The following CLMN variants were observed in gnomAD, a reference collection of about 807,000 sequenced individuals.
CLMN encodes calmin (calponin-like, transmembrane).
CLMN carries 57 observed loss-of-function variants against 92.7 expected under a neutral mutation model. That is an observed-to-expected ratio of 0.61 (90% CI 0.50 to 0.77). The LOEUF is 0.77. Among genes scored for constraint, CLMN ranks in the 30% least tolerant of loss-of-function variants. The pLI is 0.00. For synonymous variants in CLMN, 466 were observed against 470.6 expected (o/e 0.99, Z 0.13); for missense variants, 1,158 against 1,237.5 (o/e 0.94, Z 0.96).
rs1481163122 is a variant in CLMN at position 95,183,736 on chromosome 14, G to A, written c.*7828C>T. ...TTACTGCAAAAGACCCTTTCAAGGCGGCCATTTTGGTTGCAAATTTGCAAC... is the reference window on the plus strand; with the variant it reads ...TTACTGCAAAAGACCCTTTCAAGGCAGCCATTTTGGTTGCAAATTTGCAAC... On this transcript the variant is annotated 3_prime_UTR_variant, in exon 13 of 13. Transcript: ENST00000298912. 1.3e-5 allele frequency: 2 copies of A among 152,162 alleles called. No individual in the cohort carries two copies. The highest frequency in any genetic ancestry group is 2.9e-5 in the Non-Finnish European group (2 of 68,032). The allele number at this position is 152,162 out of a possible 1,614,324, so 9.4% of individuals were successfully genotyped here.
intron 1 of CLMN, among the ~76,000 whole-genome samples, chr14:95,309,821 A>G (rs1368616599): frequency 6.6e-6 from 1 of 152,242 alleles, no homozygotes; most frequent in African/African-American, 2.4e-5. Context: ...AAGGCTTGAC[A>G]GCCATTTGTT....
chr14:95,255,669 C>T (rs76231801), intron 1 of CLMN, among the ~76,000 whole-genome samples: 13,687 of 152,130 alleles, frequency 0.09, 640 homozygotes, highest in African/African-American at 0.11. Flanking sequence ...CACCTTCCTT[C>T]CACCCTTTCA....
At position 95,245,205 on chromosome 14, in the gene CLMN, ATATT is replaced by A. The variant is rs1566890874; in HGVS notation, c.83-15076_83-15073del. On this transcript the variant is annotated intron_variant, in intron 1 of 12. Transcript: ENST00000298912. The stretch of plus-strand genomic sequence containing the variant: ...ATATATATATATATAATATATATAT[ATATT>A]ATATATATATATATATTATATATAT... Among the ~76,000 whole-genome samples, 7 of 23,828 alleles carry A rather than the reference ATATT, an allele frequency of 2.9e-4. 1 individual carries two copies. The highest frequency in any genetic ancestry group is 1.5e-3 in the African/African-American group (6 of 3,992). The allele number at this position is 23,828 out of a possible 152,430, so 15.6% of individuals were successfully genotyped here. A position where few individuals can be genotyped will look rare whatever the true frequency, so the allele number is the denominator to read the frequency against.
chr14:95,247,226 T>C lies in CLMN; in HGVS notation c.83-17093A>G, dbSNP rs144556001. ...ATGAAGTCCCTACATGGTGCTTTTCTGGCACTGAGCCACTGTGAAGGGATT... is the reference window on the plus strand; with the variant it reads ...ATGAAGTCCCTACATGGTGCTTTTCCGGCACTGAGCCACTGTGAAGGGATT... On this transcript the variant is annotated intron_variant, in intron 1 of 12. Coordinates refer to ENST00000298912, the MANE Select transcript of CLMN (RefSeq NM_024734.4). 3.0e-3 allele frequency among the ~76,000 whole-genome samples: 457 copies of C among 152,366 alleles called. 3 individuals carry two copies. The highest frequency in any genetic ancestry group is 0.02 in the Middle Eastern group (6 of 294).
intron 1 of CLMN, among the ~76,000 whole-genome samples, chr14:95,258,732 G>A (rs532483105): frequency 8.8e-5 from 13 of 146,932 alleles, no homozygotes; most frequent in African/African-American, 2.8e-4. Flanking sequence ...GTATGTGTAT[G>A]TATCTGTGGT....
chr14:95,253,607 T>C (rs1036017698), intron 1 of CLMN, among the ~76,000 whole-genome samples: 1 of 136,908 alleles, frequency 7.3e-6, no homozygotes, highest in Non-Finnish European at 1.6e-5. Flanking sequence ...CAGTGTTTTT[T>C]TGTTTTTTTG....
chr14:95,194,101 C>T lies in CLMN; in HGVS notation c.2770-182G>A. The T allele has an allele frequency of 7.0e-7, 1 of 1,428,674 alleles. No individual in the cohort carries two copies. Among genetic ancestry groups the T allele is most frequent in the Non-Finnish European group, 9.1e-7 (1 of 1,098,284 alleles). 88.5% of individuals were successfully genotyped at this position (1,428,674 alleles called of 1,614,324 possible). The stretch of plus-strand genomic sequence containing the variant: ...AATATACATTCCTCTACCTCCTCCC[C>T]TAAGCCCCTCCCTTGTGAGTGCGAG... On this transcript the variant is annotated intron_variant, in intron 11 of 12. Coordinates refer to ENST00000298912, the MANE Select transcript of CLMN (RefSeq NM_024734.4). This position sits in a 1 kb window ranked among gnomAD's most constrained non-coding sequence, Gnocchi z 4.0.
At chr14:95,238,791 G>A (rs1898145133) in intron 1 of CLMN, among the ~76,000 whole-genome samples, 1 of 152,092 alleles carries the variant, frequency 6.6e-6, no homozygotes, top group Admixed American at 6.5e-5. Flanking sequence ...ACTCTAACTA[G>A]GGACTTAAAT....
intron 1 of CLMN, among the ~76,000 whole-genome samples, chr14:95,318,037 G>A (rs563398745): frequency 2.6e-5 from 4 of 152,044 alleles, no homozygotes; most frequent in Non-Finnish European, 5.9e-5. Flanking sequence ...TTCTCCCACC[G>A]TTCTGGTTGT....
intron 8 of CLMN, 108 bp downstream of exon 8, chr14:95,209,287 T>C: frequency 1.0e-6 from 1 of 967,160 alleles, no homozygotes; most frequent in Non-Finnish European, 1.7e-6. Context: ...ACTGGCGATT[T>C]TGACTGCTAG....
At chr14:95,210,915 G>A in intron 6 of CLMN, 36 bp from the exon 7 acceptor site, 1 of 1,484,696 alleles carries the variant, frequency 6.7e-7, no homozygotes. Flanking sequence ...CAGGATGCTG[G>A]TTAGTAAACA....
At chr14:95,298,002 C>G (rs1900882647) in intron 1 of CLMN, among the ~76,000 whole-genome samples, 1 of 152,210 alleles carries the variant, frequency 6.6e-6, no homozygotes, top group Non-Finnish European at 1.5e-5. Flanking sequence ...CTTTCCGGAG[C>G]AGCTGTACCA....
chr14:95,278,065 G>C (rs113482222), intron 1 of CLMN, among the ~76,000 whole-genome samples: 272 of 152,248 alleles, frequency 1.8e-3, no homozygotes, highest in African/African-American at 6.3e-3. Context: ...TTGCCATCTT[G>C]AAGTTCCTTT....
chr14:95,202,560 C>T (rs919448274), intron 9 of CLMN, among the ~76,000 whole-genome samples: 1 of 152,172 alleles, frequency 6.6e-6, no homozygotes, highest in Admixed American at 6.5e-5. Context: ...CAAAGGTGAC[C>T]TCACTTGATC....
intron 1 of CLMN, among the ~76,000 whole-genome samples, chr14:95,242,797 G>T (rs1263047441): frequency 6.9e-6 from 1 of 144,598 alleles, no homozygotes; most frequent in African/African-American, 2.6e-5. Flanking sequence ...TCGAACTCCA[G>T]ACCTCGTGAT....
At chr14:95,236,570 G>T (rs1005554279) in intron 1 of CLMN, among the ~76,000 whole-genome samples, 1 of 152,012 alleles carries the variant, frequency 6.6e-6, no homozygotes, top group Non-Finnish European at 1.5e-5. Flanking sequence ...GCCATGCACG[G>T]GACAGCCCCA....
intron 1 of CLMN, among the ~76,000 whole-genome samples, chr14:95,246,970 C>G (rs1898597721): frequency 6.6e-6 from 1 of 152,208 alleles, no homozygotes; most frequent in Non-Finnish European, 1.5e-5. Flanking sequence ...TCTTCTCCCT[C>G]TTTGCACCTG....
intron 1 of CLMN, among the ~76,000 whole-genome samples, chr14:95,247,262 C>T (rs1309349639): frequency 6.6e-6 from 1 of 152,194 alleles, no homozygotes; most frequent in Non-Finnish European, 1.5e-5. Context: ...TCACCCAGGC[C>T]AGCATTTTCT....
chr14:95,270,404 A>G (rs1267402373), intron 1 of CLMN, among the ~76,000 whole-genome samples: 1 of 152,164 alleles, frequency 6.6e-6, no homozygotes, highest in African/African-American at 2.4e-5. Context: ...CACACTCACC[A>G]AAAATACATT....
Sources: allele counts gnomAD v4.1 joint callset (sites outside exome capture counted in the v4.1 genomes callset), GRCh38; gene constraint gnomAD v4.1.1; non-coding constraint Gnocchi (gnomAD v3.1); transcripts MANE v1.5; gene names NCBI Gene and HGNC (gene_info 2026-07-23, HGNC 2026-07-21).